ZNF610: variants seen among roughly 807,000 people sequenced by gnomAD.
ZNF610 encodes the protein zinc finger protein 610, also known as zink finger protein.
In ZNF610, 14 loss-of-function variants were observed where a neutral mutation model predicts 14.1. The observed-to-expected ratio is 0.99, with a 90% confidence interval of 0.65 to 1.55. The LOEUF is 1.55. Ranked by LOEUF, ZNF610 falls within the 40% of genes most tolerant of loss-of-function variation. The probability of loss-of-function intolerance (pLI) is 0.00; values close to 1 mark genes in which losing one functional copy is unlikely to be tolerated. For synonymous variants in ZNF610, 185 were observed against 187.6 expected (o/e 0.99, Z 0.11); for missense variants, 530 against 558.0 (o/e 0.95, Z 0.51).
At chr19:52,350,614 G>A (rs1480309566) in intron 3 of ZNF610, among the ~76,000 whole-genome samples, 1 of 152,112 alleles carries the variant, frequency 6.6e-6, no homozygotes, top group Non-Finnish European at 1.5e-5. Context: ...GGAGGCGGAG[G>A]TTGCAGTGAG....
the ZNF610 span, chr19:52,330,282 C>T: frequency 6.6e-6 from 1 of 152,030 alleles, no homozygotes; most frequent in South Asian, 2.1e-4. Flanking sequence ...CTGAAGGCCT[C>T]CTTACCTTCA....
intron 5 of ZNF610, among the ~76,000 whole-genome samples, chr19:52,360,466 G>T (rs1276963405): frequency 1.3e-5 from 2 of 152,082 alleles, no homozygotes; most frequent in African/African-American, 4.8e-5. Flanking sequence ...ATGCAACATG[G>T]GCTTTCTTTT....
rs550606109 is a variant in ZNF610 at position 52,337,538 on chromosome 19, G to A, written c.-258+1032G>A. On this transcript the variant is annotated intron_variant, in intron 1 of 5. Transcript: ENST00000403906. ...AAGAGGGGGAGAAACAGCAGGAGAG[G>A]AGAGGGGCAGAAAAATAAGCCAATT... 2.0e-5 allele frequency among the ~76,000 whole-genome samples: 3 copies of A among 151,928 alleles called. No homozygotes were observed. In the East Asian group the frequency reaches 5.8e-4, roughly 29 times the overall value.
At chr19:52,342,175 T>C (rs534695676) in intron 1 of ZNF610, among the ~76,000 whole-genome samples, 1 of 152,192 alleles carries the variant, frequency 6.6e-6, no homozygotes, top group Non-Finnish European at 1.5e-5. Context: ...ACTCCTGAGC[T>C]GAAGTGATTT....
At chr19:52,353,582 C>G in intron 3 of ZNF610, 100 bp from the exon 4 acceptor site, 1 of 1,292,140 alleles carries the variant, frequency 7.7e-7, no homozygotes, top group African/African-American at 1.5e-5. Context: ...TTTTAATGAT[C>G]TGCCATTTTT....
At chr19:52,350,287 C>T (rs772515741) in intron 3 of ZNF610, among the ~76,000 whole-genome samples, 1 of 152,210 alleles carries the variant, frequency 6.6e-6, no homozygotes, top group African/African-American at 2.4e-5. Flanking sequence ...CTCCCCTGCC[C>T]TGCCCTGTGC....
chr19:52,350,924 C>G (rs1015855058), intron 3 of ZNF610, among the ~76,000 whole-genome samples: 1 of 150,508 alleles, frequency 6.6e-6, no homozygotes, highest in East Asian at 2.0e-4. Context: ...CGCTTGAACC[C>G]GGGAGGTGGA....
At position 52,366,511 on chromosome 19, in the gene ZNF610, GA is replaced by G; in HGVS notation, c.1135del (p.Arg379GlufsTer14). 1 of 1,614,136 alleles carries G rather than the reference GA, an allele frequency of 6.2e-7. No homozygotes were observed. Among genetic ancestry groups the G allele is most frequent in the Non-Finnish European group, 8.5e-7 (1 of 1,180,040 alleles). ...AAGCCCTACAAATGTAACGAATGTG[GA>G]AGAGCATTTCACAAGCGTCCGGGCC... ...TEKPYKCNECGRAFHKRPGLM... is the reference protein window; with the variant it reads ...TEKPYKCNECXRAFHKRPGLM... On this transcript the variant is annotated frameshift_variant, in exon 6 of 6. Transcript: ENST00000403906. LOFTEE classifies it low-confidence loss of function (END_TRUNC).
At position 52,366,919 on chromosome 19, in the gene ZNF610, A is replaced by G; in HGVS notation, c.*152A>G. 1 of 610,160 alleles carries G rather than the reference A, an allele frequency of 1.6e-6. No homozygotes were observed. The highest frequency in any genetic ancestry group is 2.8e-5 in the East Asian group (1 of 36,324). 37.8% of individuals were successfully genotyped at this position (610,160 alleles called of 1,614,324 possible). A position where few individuals can be genotyped will look rare whatever the true frequency, so the allele number is the denominator to read the frequency against. ...TTGATCCACACTGAAAGGAAACCCT[A>G]CAAATGTAAAGTTAATAACATATAT... On this transcript the variant is annotated 3_prime_UTR_variant, in exon 6 of 6. Transcript: ENST00000403906.
At position 52,366,071 on chromosome 19, in the gene ZNF610, T is replaced by G; in HGVS notation, c.693T>G (p.Pro231=). The change falls in exon 6 of 6, where the codon CCT becomes CCG. Residue 231 remains proline (P), a synonymous_variant. Transcript: ENST00000403906. ...NHQVIHTAEK[P]YKCTECGKVF... Reference sequence around the variant, plus strand: ...AAGTAATCCATACTGCAGAGAAACCTTACAAATGTACTGAATGTGGCAAGG... The same window carrying G: ...AAGTAATCCATACTGCAGAGAAACCGTACAAATGTACTGAATGTGGCAAGG... The G allele has an allele frequency of 6.2e-7, 1 of 1,614,120 alleles. No homozygotes were observed. Among genetic ancestry groups the G allele is most frequent in the East Asian group, 2.2e-5 (1 of 44,878 alleles).
intron 1 of ZNF610, among the ~76,000 whole-genome samples, chr19:52,338,692 C>T (rs1319976642): frequency 1.3e-5 from 2 of 152,028 alleles, no homozygotes; most frequent in African/African-American, 2.4e-5. Context: ...AGGAGGGGCT[C>T]TTAGTAAACA....
Position 52,365,908 on chromosome 19 carries a change from A to G in ZNF610, c.530A>G (p.Asn177Ser). Residue 177 changes from asparagine (N) to serine (S), a missense_variant, in exon 6 of 6, where the codon AAT becomes AGT. Physicochemically the swap from Asn to Ser is conservative, Grantham distance 46 (BLOSUM62 1). Transcript: ENST00000403906. ...TCTAGTTTCACAACACACATTTTTA[A>G]TAAATATAGAAATGATCTTATTGAT... The part of the protein sequence containing the change: ...ISSSFTTHIF[N>S]KYRNDLIDFP... The G allele has an allele frequency of 6.2e-7, 1 of 1,612,506 alleles. No homozygotes were observed. Among genetic ancestry groups the G allele is most frequent in the Admixed American group, 1.7e-5 (1 of 59,730 alleles).
chr19:52,361,473 G>A (rs1038323612), intron 5 of ZNF610, among the ~76,000 whole-genome samples: 4 of 151,400 alleles, frequency 2.6e-5, no homozygotes, highest in Non-Finnish European at 5.9e-5. Context: ...CACTGCGCCC[G>A]GCCACAATCT....
chr19:52,331,706 G>T (rs1984218593), upstream of ZNF610, among the ~76,000 whole-genome samples: 1 of 152,182 alleles, frequency 6.6e-6, no homozygotes, highest in Non-Finnish European at 1.5e-5. Context: ...ATGCAGTCTT[G>T]CAAGCCTGCT....
At chr19:52,351,765 A>T (rs988173977) in intron 3 of ZNF610, among the ~76,000 whole-genome samples, 1 of 152,160 alleles carries the variant, frequency 6.6e-6, no homozygotes. Context: ...CTTTGTTCTC[A>T]GTGGCTTCCT....
At chr19:52,349,479 T>G (rs1600233390) in intron 3 of ZNF610, among the ~76,000 whole-genome samples, 1 of 151,664 alleles carries the variant, frequency 6.6e-6, no homozygotes, top group Non-Finnish European at 1.5e-5. Flanking sequence ...GTGTCAGTGG[T>G]GTTGGGCAGC....
chr19:52,350,022 C>G (rs1265219036), intron 3 of ZNF610, among the ~76,000 whole-genome samples: 1 of 152,172 alleles, frequency 6.6e-6, no homozygotes, highest in East Asian at 1.9e-4. Context: ...GACATTCTCT[C>G]TTCTTTCTCA....
intron 3 of ZNF610, among the ~76,000 whole-genome samples, chr19:52,352,654 C>A (rs549236137): frequency 3.3e-5 from 5 of 152,036 alleles, no homozygotes; most frequent in African/African-American, 1.2e-4. Context: ...TGCCTCCTAC[C>A]CCCACTTTTT....
chr19:52,350,504 C>A (rs1442906191), intron 3 of ZNF610, among the ~76,000 whole-genome samples: 2 of 151,696 alleles, frequency 1.3e-5, no homozygotes, highest in African/African-American at 4.9e-5. Context: ...ATAGTGAAAC[C>A]CTGTCTCTAC....
Sources: gnomAD v4.1 joint callset for allele counts (sites outside exome capture counted in the v4.1 genomes callset) on GRCh38, gnomAD v4.1.1 for gene constraint, MANE v1.5 for transcripts, NCBI Gene and HGNC (gene_info 2026-07-23, HGNC 2026-07-21) for gene names.